The following RNF157 variants were observed in gnomAD, a reference collection of about 807,000 sequenced individuals.
RNF157 encodes E3 ubiquitin ligase RNF157.
RNF157 carries 55 observed loss-of-function variants against 88.3 expected under a neutral mutation model. That is an observed-to-expected ratio of 0.62 (90% CI 0.50 to 0.78). The LOEUF is 0.78. Among genes scored for constraint, RNF157 ranks in the 30% least tolerant of loss-of-function variants. The pLI is 0.00. For missense variants in RNF157, 788 were observed against 860.8 expected (o/e 0.92, Z 1.06); for synonymous variants, 334 against 341.2 (o/e 0.98, Z 0.23).
intron 2 of RNF157, among the ~76,000 whole-genome samples, chr17:76,183,755 T>C (rs1221711834): frequency 6.6e-6 from 1 of 152,066 alleles, no homozygotes; most frequent in Non-Finnish European, 1.5e-5. Flanking sequence ...CAATTATTTC[T>C]TCATTTGTTT....
At chr17:76,186,561 A>C (rs2069292083) in intron 2 of RNF157, among the ~76,000 whole-genome samples, 2 of 152,270 alleles carry the variant, frequency 1.3e-5, no homozygotes, top group South Asian at 4.1e-4. Flanking sequence ...CTTATGTAAG[A>C]TTCAAGATTA....
At chr17:76,206,701 G>A (rs2069687225) in intron 2 of RNF157, among the ~76,000 whole-genome samples, 2 of 152,154 alleles carry the variant, frequency 1.3e-5, no homozygotes, top group Admixed American at 6.5e-5. Flanking sequence ...GGACTGCAAT[G>A]GCGTGATCTT....
chr17:76,172,561 C>T (rs1189977910), intron 3 of RNF157, among the ~76,000 whole-genome samples: 6 of 135,522 alleles, frequency 4.4e-5, no homozygotes, highest in Admixed American at 2.5e-4. Flanking sequence ...GAGCCGAGAT[C>T]GTGCCATTGC....
chr17:76,238,115 C>T (rs562210092), intron 1 of RNF157, among the ~76,000 whole-genome samples: 1 of 151,756 alleles, frequency 6.6e-6, no homozygotes, highest in African/African-American at 2.4e-5. Flanking sequence ...TAAACATTAG[C>T]TAGGCATGGT....
intron 1 of RNF157, among the ~76,000 whole-genome samples, chr17:76,229,280 G>A (rs890655058): frequency 1.3e-5 from 2 of 152,248 alleles, no homozygotes; most frequent in African/African-American, 4.8e-5. Flanking sequence ...TCACAGAATC[G>A]AAGCAAAGGT....
chr17:76,165,259 T>C (rs1265184394), intron 7 of RNF157, among the ~76,000 whole-genome samples: 1 of 152,192 alleles, frequency 6.6e-6, no homozygotes, highest in Non-Finnish European at 1.5e-5. Flanking sequence ...AAAGGTCTTA[T>C]AATTATCCAG....
At position 76,239,320 on chromosome 17, in the gene RNF157, C is replaced by T. The variant is rs1433872510; in HGVS notation, c.88+833G>A. On this transcript the variant is annotated intron_variant, in intron 1 of 18. Coordinates refer to ENST00000269391, the MANE Select transcript of RNF157 (RefSeq NM_052916.3). Reference sequence around the variant, plus strand: ...CTGCTTTGCTGTCAAAATCCTCCTCCACCTCCAATGCTGATACCACAATCC... The same window carrying T: ...CTGCTTTGCTGTCAAAATCCTCCTCTACCTCCAATGCTGATACCACAATCC... 2.6e-5 allele frequency among the ~76,000 whole-genome samples: 4 copies of T among 152,298 alleles called. No individual in the cohort carries two copies. In the South Asian group the frequency reaches 6.2e-4, roughly 24 times the overall value.
intron 2 of RNF157, among the ~76,000 whole-genome samples, chr17:76,182,276 G>A (rs1184856412): frequency 6.6e-6 from 1 of 152,166 alleles, no homozygotes; most frequent in East Asian, 1.9e-4. Context: ...TGTGTGTTAC[G>A]TGAGCAACTC....
intron 1 of RNF157, among the ~76,000 whole-genome samples, chr17:76,224,112 A>G (rs967134834): frequency 3.9e-4 from 59 of 152,238 alleles, no homozygotes; most frequent in Non-Finnish European, 8.1e-4. Context: ...GCGAAAGCCC[A>G]AAATCAATAA....
chr17:76,222,706 G>A (rs911763372), intron 1 of RNF157, among the ~76,000 whole-genome samples: 6 of 152,094 alleles, frequency 3.9e-5, no homozygotes, highest in African/African-American at 1.4e-4. Context: ...AGCAGAGACC[G>A]AGAGATGCAA....
At chr17:76,218,390 C>T (rs2069926604) in intron 1 of RNF157, among the ~76,000 whole-genome samples, 1 of 152,302 alleles carries the variant, frequency 6.6e-6, no homozygotes, top group African/African-American at 2.4e-5. Flanking sequence ...CCTGCAATCC[C>T]AGTACTTTGG....
chr17:76,156,955 C>CT lies in RNF157; in HGVS notation c.1414-635dup, dbSNP rs1184854706. ...TTTTGTCTTAGTTCACGCAGTCCTT[C>CT]TTTTTTTTTTCACTTTTTTTTTTTG... On this transcript the variant is annotated intron_variant, in intron 13 of 18. Coordinates refer to ENST00000269391, the MANE Select transcript of RNF157 (RefSeq NM_052916.3). Among the ~76,000 whole-genome samples, 517 of 148,890 alleles carry CT rather than the reference C, an allele frequency of 3.5e-3. 2 individuals are homozygous for CT. Among genetic ancestry groups the CT allele is most frequent in the Admixed American group, 4.8e-3 (71 of 14,926 alleles).
At chr17:76,207,231 T>A (rs1162439862) in intron 2 of RNF157, among the ~76,000 whole-genome samples, 1 of 152,086 alleles carries the variant, frequency 6.6e-6, no homozygotes, top group Non-Finnish European at 1.5e-5. Flanking sequence ...GCCTGGGCAA[T>A]AAAGCAAGAA....
chr17:76,233,710 T>A (rs1401794118), intron 1 of RNF157, among the ~76,000 whole-genome samples: 2 of 152,096 alleles, frequency 1.3e-5, no homozygotes, highest in African/African-American at 4.8e-5. Flanking sequence ...TAAAAACAAT[T>A]TTTGTAGAGA....
chr17:76,182,175 C>A (rs562684229), intron 2 of RNF157, among the ~76,000 whole-genome samples: 3 of 152,090 alleles, frequency 2.0e-5, no homozygotes, highest in Non-Finnish European at 2.9e-5. Flanking sequence ...TAACTTAAAT[C>A]CCAAACATCT....
At position 76,185,475 on chromosome 17, in the gene RNF157, C is replaced by CTTTTTTTTTTTTT. The variant is rs71161271; in HGVS notation, c.208-11686_208-11685insAAAAAAAAAAAAA. Among the ~76,000 whole-genome samples the CTTTTTTTTTTTTT allele has an allele frequency of 1.0e-3, 145 of 141,888 alleles. 1 individual carries two copies. Among genetic ancestry groups the CTTTTTTTTTTTTT allele is most frequent in the Middle Eastern group, 7.0e-3 (2 of 286 alleles). The allele number at this position is 141,888 out of a possible 152,430, so 93.1% of individuals were successfully genotyped here. ...ACTAGTGGTCAGAGATTAGTCCTTT[C>CTTTTTTTTTTTTT]TTTTTTTTTTTTGAGACGGAGTCTC... On this transcript the variant is annotated intron_variant, in intron 2 of 18. Transcript: ENST00000269391.
intron 1 of RNF157, among the ~76,000 whole-genome samples, chr17:76,236,964 G>T (rs1159596590): frequency 1.3e-5 from 2 of 152,240 alleles, no homozygotes; most frequent in Non-Finnish European, 2.9e-5. Flanking sequence ...GGGATGGGAG[G>T]TTTAGAGGGA....
Position 76,160,408 on chromosome 17 carries a change from C to T in RNF157, c.1066-835G>A, listed in dbSNP as rs1290010400. The stretch of plus-strand genomic sequence containing the variant: ...TTCAGTGCCTTTTCTAGTTACACTC[C>T]TATAAGTAATACAGAAGACCTATTC... On this transcript the variant is annotated intron_variant, in intron 11 of 18. Coordinates refer to ENST00000269391, the MANE Select transcript of RNF157 (RefSeq NM_052916.3). This position sits in a 1 kb window ranked among gnomAD's most constrained non-coding sequence, Gnocchi z 4.3. Among the ~76,000 whole-genome samples, 2 of 151,644 alleles carry T rather than the reference C, an allele frequency of 1.3e-5. No homozygotes were observed. The highest frequency in any genetic ancestry group is 4.8e-5 in the African/African-American group (2 of 41,238).
intron 1 of RNF157, among the ~76,000 whole-genome samples, chr17:76,213,465 G>T (rs1197881306): frequency 1.3e-5 from 2 of 151,762 alleles, no homozygotes; most frequent in Non-Finnish European, 2.9e-5. Flanking sequence ...AGGTACTTGG[G>T]AGGCTGAGGC....
Sources: allele counts gnomAD v4.1 joint callset (sites outside exome capture counted in the v4.1 genomes callset), GRCh38; gene constraint gnomAD v4.1.1; non-coding constraint Gnocchi (gnomAD v3.1); transcripts MANE v1.5; gene names NCBI Gene and HGNC (gene_info 2026-07-23, HGNC 2026-07-21).